CHST12: variants seen among roughly 807,000 people sequenced by gnomAD.
CHST12 encodes carbohydrate (chondroitin 4) sulfotransferase 12.
In CHST12, 23 loss-of-function variants were observed where a neutral mutation model predicts 27.9. That is an observed-to-expected ratio of 0.82 (90% CI 0.59 to 1.17). The LOEUF is 1.17. Among genes scored for constraint, CHST12 ranks in the 50% most tolerant of loss-of-function variants. The pLI is 0.00. For synonymous variants in CHST12, 322 were observed against 273.0 expected, an observed-to-expected ratio of 1.18 and a Z score of -1.77; for missense variants, 682 against 603.0, an observed-to-expected ratio of 1.13 and a Z score of -1.37.
At chr7:2,420,919 C>G (rs1243725429) in intron 1 of CHST12, among the ~76,000 whole-genome samples, 1 of 152,148 alleles carries the variant, frequency 6.6e-6, no homozygotes, top group Admixed American at 6.6e-5. Context: ...GTCTGGAATA[C>G]AGTGGTACAA....
intron 1 of CHST12, among the ~76,000 whole-genome samples, chr7:2,411,783 C>T (rs546544923): frequency 1.4e-4 from 22 of 152,266 alleles, no homozygotes; most frequent in South Asian, 1.0e-3. Context: ...TGCCCAGCCA[C>T]GAATTGATTT....
Position 2,434,098 on chromosome 7 carries a change from C to G in CHST12, c.*214C>G, listed in dbSNP as rs1326205728. 4.1e-5 allele frequency: 18 copies of G among 434,092 alleles called. No homozygotes were observed. The highest frequency in any genetic ancestry group is 4.1e-5 in the Non-Finnish European group (10 of 241,822). 26.9% of individuals were successfully genotyped at this position (434,092 alleles called of 1,614,324 possible). A position where few individuals can be genotyped will look rare whatever the true frequency, so the allele number is the denominator to read the frequency against. Reference sequence around the variant, plus strand: ...ATGCTGGAGTAAAATATCCCCTCTCCCCTCCGCCCGCCCACCCGCCCGCCC... The same window carrying G: ...ATGCTGGAGTAAAATATCCCCTCTCGCCTCCGCCCGCCCACCCGCCCGCCC... On this transcript the variant is annotated 3_prime_UTR_variant, in exon 2 of 2. Coordinates refer to ENST00000618655, the MANE Select transcript of CHST12 (RefSeq NM_018641.5).
At position 2,421,227 on chromosome 7, in the gene CHST12, CTTT is replaced by C. The variant is rs60332594; in HGVS notation, c.-77-11315_-77-11313del. On this transcript the variant is annotated intron_variant, in intron 1 of 1. Coordinates refer to ENST00000618655, the MANE Select transcript of CHST12 (RefSeq NM_018641.5). ...TGCACACCACCATGTCCTGCTAATT[CTTT>C]TTTTTTTTTTTTTTTTTTTTACATT... 7.4e-3 allele frequency among the ~76,000 whole-genome samples: 680 copies of C among 92,006 alleles called. 9 individuals carry two copies. The highest frequency in any genetic ancestry group is 0.037 in the South Asian group (91 of 2,438). 60.4% of individuals were successfully genotyped at this position (92,006 alleles called of 152,430 possible). A position where few individuals can be genotyped will look rare whatever the true frequency, so the allele number is the denominator to read the frequency against.
chr7:2,434,893 G>T lies in CHST12; in HGVS notation c.*1009G>T. The T allele has an allele frequency of 6.6e-6, 1 of 152,044 alleles. No homozygotes were observed. The highest frequency in any genetic ancestry group is 1.5e-5 in the Non-Finnish European group (1 of 68,070). The allele number at this position is 152,044 out of a possible 1,614,324, so 9.4% of individuals were successfully genotyped here. On this transcript the variant is annotated 3_prime_UTR_variant, in exon 2 of 2. Coordinates refer to ENST00000618655, the MANE Select transcript of CHST12 (RefSeq NM_018641.5). ...ACTTGAGCCCAGGAGTTCAAGACCA[G>T]CTTGGGCAACATAGCAAGGACCTCA...
intron 1 of CHST12, among the ~76,000 whole-genome samples, chr7:2,404,653 G>T (rs928002671): frequency 6.6e-6 from 1 of 152,256 alleles, no homozygotes; most frequent in Non-Finnish European, 1.5e-5. Flanking sequence ...GTCAGGGCTG[G>T]TGTCTGAGTG....
chr7:2,433,255 C>G lies in CHST12; in HGVS notation c.616C>G (p.His206Asp). The G allele has an allele frequency of 6.2e-7, 1 of 1,611,528 alleles. No homozygotes were observed. Among genetic ancestry groups the G allele is most frequent in the Non-Finnish European group, 8.5e-7 (1 of 1,178,652 alleles). The change falls in exon 2 of 2, where the codon CAC (histidine) becomes GAC (aspartate). Residue 206 changes from histidine to aspartate, a missense_variant. Coordinates refer to ENST00000618655, the MANE Select transcript of CHST12 (RefSeq NM_018641.5). This position sits in a 1 kb window ranked among gnomAD's most constrained non-coding sequence, Gnocchi z 6.1. ...YRDPLRIPREHVHNASAHLTF... is the reference protein window; with the variant it reads ...YRDPLRIPREDVHNASAHLTF... ...CGACCCGCTGCGCATCCCGCGCGAG[C>G]ACGTGCACAACGCCAGCGCGCACCT...
chr7:2,444,112 G>A lies in CHST12; in HGVS notation c.*10228G>A, dbSNP rs1204445220. 6.6e-5 allele frequency: 10 copies of A among 150,378 alleles called. No individual in the cohort carries two copies. Among genetic ancestry groups the A allele is most frequent in the African/African-American group, 1.7e-4 (7 of 40,934 alleles). The allele number at this position is 150,378 out of a possible 1,614,324, so 9.3% of individuals were successfully genotyped here. A position where few individuals can be genotyped will look rare whatever the true frequency, so the allele number is the denominator to read the frequency against. ...ATCCCGGCTAAAACGGTGAAACCCC[G>A]TCTCTACTAAAAATACAAAAAATTA... On this transcript the variant is annotated 3_prime_UTR_variant, in exon 2 of 2. Coordinates refer to ENST00000618655, the MANE Select transcript of CHST12 (RefSeq NM_018641.5).
intron 1 of CHST12, among the ~76,000 whole-genome samples, chr7:2,418,169 G>A (rs1781860521): frequency 6.6e-6 from 1 of 152,262 alleles, no homozygotes; most frequent in African/African-American, 2.4e-5. Context: ...CTTGCTCCCT[G>A]GGGCTGCAGA....
In CHST12 at chr7:2,433,681, GAC is replaced by G. The variant is rs148612060; in HGVS notation, c.1043_1044del (p.Asp348GlyfsTer46). ...GGGGAAGCTGGAGACTCTGGACGAG[GAC>G]GCCGCGCAGCTGCTGCAGCTACTCC... is the stretch of plus-strand genomic sequence containing the variant. ...FVGKLETLDE[D>X]AAQLLQLLQV... is the part of the protein sequence containing the mutation. On this transcript the variant is annotated frameshift_variant, in exon 2 of 2. Coordinates refer to ENST00000618655, the MANE Select transcript of CHST12 (RefSeq NM_018641.5). LOFTEE classifies it high-confidence loss of function. The surrounding 1 kb of genome is among the most constrained non-coding windows in gnomAD (Gnocchi z 6.1). 1 of 1,613,378 alleles carries G rather than the reference GAC, an allele frequency of 6.2e-7. No individual in the cohort carries two copies. The highest frequency in any genetic ancestry group is 2.2e-5 in the East Asian group (1 of 44,870).
chr7:2,417,311 G>A (rs376126459), intron 1 of CHST12, among the ~76,000 whole-genome samples: 2 of 149,902 alleles, frequency 1.3e-5, no homozygotes, highest in South Asian at 4.2e-4. Context: ...TGCAACCTCT[G>A]CTTCCTGGGT....
intron 1 of CHST12, among the ~76,000 whole-genome samples, chr7:2,425,366 C>T (rs1008371349): frequency 6.6e-5 from 10 of 152,150 alleles, no homozygotes; most frequent in African/African-American, 9.7e-5. Flanking sequence ...CTGTTGGGCT[C>T]TTCCAGAAAC....
chr7:2,403,489 C>A (rs1363297536), upstream of CHST12: 1 of 151,632 alleles, frequency 6.6e-6, no homozygotes, highest in Non-Finnish European at 1.5e-5. Flanking sequence ...GCGCTGAGGG[C>A]GGGCGCCCCT....
In CHST12 at chr7:2,439,656, G is replaced by T. The variant is rs1335000671; in HGVS notation, c.*5772G>T. 1 of 151,850 alleles carries T rather than the reference G, an allele frequency of 6.6e-6. No individual in the cohort carries two copies. Among genetic ancestry groups the T allele is most frequent in the Non-Finnish European group, 1.5e-5 (1 of 67,998 alleles). 9.4% of individuals were successfully genotyped at this position (151,850 alleles called of 1,614,324 possible). A position where few individuals can be genotyped will look rare whatever the true frequency, so the allele number is the denominator to read the frequency against. The stretch of plus-strand genomic sequence containing the variant: ...GCACTTTGGGAGGCCGAGGTGGGTG[G>T]ATCACGAGGTCAGGAGATCAAGACC... On this transcript the variant is annotated 3_prime_UTR_variant, in exon 2 of 2. Coordinates refer to ENST00000618655, the MANE Select transcript of CHST12 (RefSeq NM_018641.5).
In CHST12 at chr7:2,435,060, A is replaced by G. The variant is rs1411588566; in HGVS notation, c.*1176A>G. ...GCGAGACCCTGTGTCTACAAAAAAT[A>G]AGAAAATCAGCCGGACATGATGGTG... On this transcript the variant is annotated 3_prime_UTR_variant, in exon 2 of 2. Transcript: ENST00000618655. 1 of 152,086 alleles carries G rather than the reference A, an allele frequency of 6.6e-6. No individual in the cohort carries two copies. The highest frequency in any genetic ancestry group is 1.5e-5 in the Non-Finnish European group (1 of 68,050). The allele number at this position is 152,086 out of a possible 1,614,324, so 9.4% of individuals were successfully genotyped here. A position where few individuals can be genotyped will look rare whatever the true frequency, so the allele number is the denominator to read the frequency against.
At chr7:2,408,784 CTGG>C (rs1250285535) in intron 1 of CHST12, among the ~76,000 whole-genome samples, 1 of 152,176 alleles carries the variant, frequency 6.6e-6, no homozygotes. Flanking sequence ...GAGAGACTGG[CTGG>C]TGGGAACAGG....
At chr7:2,425,942 G>A (rs1782106925) in intron 1 of CHST12, among the ~76,000 whole-genome samples, 1 of 152,110 alleles carries the variant, frequency 6.6e-6, no homozygotes, top group Non-Finnish European at 1.5e-5. Flanking sequence ...AGGGGTCAGG[G>A]GTTAGACGCT....
At position 2,403,748 on chromosome 7, in the gene CHST12, C is replaced by G. The variant is rs928999430; in HGVS notation, c.-78+75C>G. 7.5e-4 allele frequency: 114 copies of G among 151,660 alleles called. 1 individual carries two copies. Among genetic ancestry groups the G allele is most frequent in the Non-Finnish European group, 8.4e-4 (57 of 67,668 alleles). The allele number at this position is 151,660 out of a possible 1,614,324, so 9.4% of individuals were successfully genotyped here. A position where few individuals can be genotyped will look rare whatever the true frequency, so the allele number is the denominator to read the frequency against. On this transcript the variant is annotated intron_variant, in intron 1 of 1. Transcript: ENST00000618655. ...CGGCCAGTGCTGGGCTCCCAGGGCC[C>G]GGGCGGGGGTCCCGGGCCGCGCTGA...
At chr7:2,411,979 C>A (rs1781678732) in intron 1 of CHST12, among the ~76,000 whole-genome samples, 1 of 152,154 alleles carries the variant, frequency 6.6e-6, no homozygotes, top group South Asian at 2.1e-4. Context: ...TCCTGTCTAC[C>A]TGGGAAGGGC....
At position 2,441,475 on chromosome 7, in the gene CHST12, T is replaced by C. The variant is rs999125902; in HGVS notation, c.*7591T>C. 1 of 152,228 alleles carries C rather than the reference T, an allele frequency of 6.6e-6. No homozygotes were observed. The highest frequency in any genetic ancestry group is 2.4e-5 in the African/African-American group (1 of 41,434). The allele number at this position is 152,228 out of a possible 1,614,324, so 9.4% of individuals were successfully genotyped here. A position where few individuals can be genotyped will look rare whatever the true frequency, so the allele number is the denominator to read the frequency against. Reference sequence around the variant, plus strand: ...TGGGAGCTCAAGGCAGGAGTATTGCTTGAGCCCAGAAGTTTGAGACCAGTC... The same window carrying C: ...TGGGAGCTCAAGGCAGGAGTATTGCCTGAGCCCAGAAGTTTGAGACCAGTC... On this transcript the variant is annotated 3_prime_UTR_variant, in exon 2 of 2. Coordinates refer to ENST00000618655, the MANE Select transcript of CHST12 (RefSeq NM_018641.5).
Sources: gnomAD v4.1 joint callset for allele counts (sites outside exome capture counted in the v4.1 genomes callset) on GRCh38, gnomAD v4.1.1 for gene constraint, Gnocchi (gnomAD v3.1) non-coding constraint, MANE v1.5 for transcripts, NCBI Gene and HGNC (gene_info 2026-07-23, HGNC 2026-07-21) for gene names.